Variants in GRID2 observed in about 807,000 individuals in gnomAD.
GRID2 encodes glutamate receptor ionotropic, delta-2.
A neutral mutation model predicts 114.8 loss-of-function variants in GRID2; 33 were observed. The ratio of observed to expected loss-of-function variants is 0.29; its 90% CI spans 0.22 to 0.38. The LOEUF (loss-of-function observed/expected upper bound fraction) is 0.38. Among genes scored for constraint, GRID2 ranks in the 10% least tolerant of loss-of-function variants. The pLI is 1.00. For missense variants in GRID2, 1,184 were observed against 1,257.7 expected (o/e 0.94, Z 0.89); for synonymous variants, 505 against 449.9 (o/e 1.12, Z -1.55).
Position 93,679,089 on chromosome 4 carries a change from C to A in GRID2, c.2360+52654C>A, listed in dbSNP as rs577070471. On this transcript the variant is annotated intron_variant, in intron 14 of 15. Transcript: ENST00000282020. The stretch of plus-strand genomic sequence containing the variant: ...AATAAAAGGATGGAGGAAGATCTAC[C>A]AAGCAAATGGAAAATAAAAAAAGTC... 4.8e-4 allele frequency among the ~76,000 whole-genome samples: 72 copies of A among 151,044 alleles called. 9 individuals carry two copies. Among genetic ancestry groups the A allele is most frequent in the African/African-American group, 1.7e-3 (68 of 40,772 alleles).
chr4:92,757,351 A>C (rs747164200), intron 2 of GRID2, among the ~76,000 whole-genome samples: 1 of 152,068 alleles, frequency 6.6e-6, no homozygotes, highest in Admixed American at 6.6e-5. Context: ...ATCTGTGATG[A>C]GGTAAAAAGG....
At chr4:93,466,084 G>T (rs776145181) in intron 11 of GRID2, among the ~76,000 whole-genome samples, 3 of 152,030 alleles carry the variant, frequency 2.0e-5, no homozygotes. Flanking sequence ...TACACTTAGG[G>T]TTTTGTTTTG....
intron 2 of GRID2, among the ~76,000 whole-genome samples, chr4:93,060,476 C>G (rs946058081): frequency 5.3e-5 from 8 of 151,944 alleles, no homozygotes; most frequent in African/African-American, 1.9e-4. Flanking sequence ...TTCCAAAAGT[C>G]ACATATTTTA....
intron 2 of GRID2, among the ~76,000 whole-genome samples, chr4:92,719,078 C>T (rs1386212467): frequency 1.3e-5 from 2 of 151,892 alleles, no homozygotes; most frequent in African/African-American, 4.8e-5. Context: ...CCTCTGCCTT[C>T]GGGGTTCAAA....
intron 2 of GRID2, among the ~76,000 whole-genome samples, chr4:92,943,459 T>G (rs1751342988): frequency 6.6e-6 from 1 of 152,160 alleles, no homozygotes; most frequent in Non-Finnish European, 1.5e-5. Context: ...TCTGCATTGG[T>G]TATTTTATTT....
rs565811841 is a variant in GRID2 at position 93,197,445 on chromosome 4, CGT to C, written c.736-9948_736-9947del. ...TGATAATTAAATGAGTTATTATCTA[CGT>C]GTGTGTGTGTATATAAAAACACATA... On this transcript the variant is annotated intron_variant, in intron 4 of 15. Transcript: ENST00000282020. 2.6e-4 allele frequency among the ~76,000 whole-genome samples: 40 copies of C among 151,902 alleles called. No homozygotes were observed. The South Asian group carries it at 5.8e-3, about 22-fold the overall frequency.
At chr4:92,368,098 G>T (rs1414166294) in intron 1 of GRID2, among the ~76,000 whole-genome samples, 2 of 152,094 alleles carry the variant, frequency 1.3e-5, no homozygotes, top group Non-Finnish European at 2.9e-5. Flanking sequence ...GGGGTCTTGG[G>T]TAACTTTAGG....
At chr4:92,682,554 G>GA (rs1190250757) in intron 2 of GRID2, among the ~76,000 whole-genome samples, 11 of 152,146 alleles carry the variant, frequency 7.2e-5, no homozygotes, top group Middle Eastern at 3.4e-3. Flanking sequence ...CCCAGCCAAG[G>GA]AAAAAAACTG....
chr4:93,273,893 G>A (rs1015398834), intron 8 of GRID2, among the ~76,000 whole-genome samples: 2 of 152,140 alleles, frequency 1.3e-5, no homozygotes, highest in Non-Finnish European at 2.9e-5. Flanking sequence ...CATTCCCAAA[G>A]AATGTAGCTG....
Position 92,898,831 on chromosome 4 carries a change from C to T in GRID2, c.245-186164C>T, listed in dbSNP as rs373982017. Among the ~76,000 whole-genome samples, 4 of 152,112 alleles carry T rather than the reference C, an allele frequency of 2.6e-5. No homozygotes were observed. In the East Asian group the frequency reaches 7.7e-4, roughly 29 times the overall value. The stretch of plus-strand genomic sequence containing the variant: ...TCAATGGGAAATGTGCATGGTTACT[C>T]GAAAGCAGTTTTCCCATTATTTTTC... On this transcript the variant is annotated intron_variant, in intron 2 of 15. Coordinates refer to ENST00000282020, the MANE Select transcript of GRID2 (RefSeq NM_001510.4).
At chr4:93,355,404 T>A (rs1417783130) in intron 8 of GRID2, among the ~76,000 whole-genome samples, 1 of 152,052 alleles carries the variant, frequency 6.6e-6, no homozygotes, top group Non-Finnish European at 1.5e-5. Flanking sequence ...CCAGTGGGGC[T>A]GTCTGCTGGA....
intron 1 of GRID2, among the ~76,000 whole-genome samples, chr4:92,366,748 T>C (rs1728888456): frequency 1.3e-5 from 2 of 151,972 alleles, no homozygotes; most frequent in Non-Finnish European, 2.9e-5. Context: ...AGAGAAAAGC[T>C]CCTGGACATT....
chr4:92,724,358 T>G (rs975787162), intron 2 of GRID2, among the ~76,000 whole-genome samples: 1 of 151,846 alleles, frequency 6.6e-6, no homozygotes, highest in African/African-American at 2.4e-5. Context: ...CTGTTACAAC[T>G]CTGCAGATCC....
chr4:93,156,435 A>C (rs1208396382), intron 4 of GRID2, among the ~76,000 whole-genome samples: 1 of 151,772 alleles, frequency 6.6e-6, no homozygotes, highest in East Asian at 1.9e-4. Flanking sequence ...AGGAACAAGG[A>C]ACAATAATCC....
intron 10 of GRID2, among the ~76,000 whole-genome samples, chr4:93,437,646 T>TA (rs1346919498): frequency 6.6e-6 from 1 of 152,128 alleles, no homozygotes; most frequent in Non-Finnish European, 1.5e-5. Context: ...CTTCTTTCCA[T>TA]AAAAAATTAA....
intron 9 of GRID2, among the ~76,000 whole-genome samples, chr4:93,401,813 C>A (rs1167678083): frequency 6.6e-6 from 1 of 152,016 alleles, no homozygotes; most frequent in African/African-American, 2.4e-5. Context: ...AGCAACTCAC[C>A]AAAGGAAGGA....
At chr4:92,798,860 T>C (rs1740016151) in intron 2 of GRID2, among the ~76,000 whole-genome samples, 1 of 152,020 alleles carries the variant, frequency 6.6e-6, no homozygotes, top group Admixed American at 6.6e-5. Flanking sequence ...GCTACTTGCA[T>C]GGCTACGAAT....
At chr4:92,499,444 T>C (rs1723560957) in intron 1 of GRID2, among the ~76,000 whole-genome samples, 1 of 152,160 alleles carries the variant, frequency 6.6e-6, no homozygotes, top group Admixed American at 6.6e-5. Context: ...ATTCAAACAA[T>C]TTAATACTTT....
At chr4:92,413,545 G>C (rs936239637) in intron 1 of GRID2, among the ~76,000 whole-genome samples, 1 of 152,088 alleles carries the variant, frequency 6.6e-6, no homozygotes, top group African/African-American at 2.4e-5. Flanking sequence ...AGGAAGAAAG[G>C]TGTCCAAAGT....
Sources: allele counts gnomAD v4.1 joint callset (sites outside exome capture counted in the v4.1 genomes callset), GRCh38; gene constraint gnomAD v4.1.1; transcripts MANE v1.5; gene names NCBI Gene and HGNC (gene_info 2026-07-23, HGNC 2026-07-21).